Variants in CDH12 observed in about 807,000 individuals in gnomAD.
CDH12 encodes the protein cadherin 12.
CDH12 carries 41 observed loss-of-function variants against 74.1 expected under a neutral mutation model. The ratio of observed to expected loss-of-function variants is 0.55; its 90% confidence interval spans 0.43 to 0.72. CDH12 has a LOEUF of 0.72. CDH12 is among the 30% of genes least tolerant of loss of function. The pLI is 0.00. For synonymous variants in CDH12, 399 were observed against 355.0 expected (o/e 1.12, Z -1.39); for missense variants, 945 against 977.2 (o/e 0.97, Z 0.44).
Position 22,447,260 on chromosome 5 carries a change from ATTC to A in CDH12, c.-427-41912_-427-41910del, listed in dbSNP as rs1744852123. 2.6e-5 allele frequency among the ~76,000 whole-genome samples: 4 copies of A among 152,002 alleles called. No homozygotes were observed. The South Asian group carries it at 8.3e-4, about 32-fold the overall frequency. ...TGCACCAGATATCTTTTATTACATTATTCTTCTTTTTCTTCTTCTTCTTATTTC... is the reference window on the plus strand; with the variant it reads ...TGCACCAGATATCTTTTATTACATTATTCTTTTTCTTCTTCTTCTTATTTC... On this transcript the variant is annotated intron_variant, in intron 2 of 14. Transcript: ENST00000382254.
chr5:22,544,657 A>C (rs1271514269), intron 1 of CDH12, among the ~76,000 whole-genome samples: 2 of 152,084 alleles, frequency 1.3e-5, no homozygotes, highest in Admixed American at 6.6e-5. Flanking sequence ...CTCTACAAAA[A>C]AATACAAAAA....
chr5:22,397,644 C>T (rs934266148), intron 3 of CDH12, among the ~76,000 whole-genome samples: 40 of 151,976 alleles, frequency 2.6e-4, no homozygotes, highest in African/African-American at 9.4e-4. Flanking sequence ...AAATCAGGCA[C>T]TGGTAAAGTA....
At chr5:22,102,695 CATAA>C (rs1200567558) in intron 4 of CDH12, among the ~76,000 whole-genome samples, 1 of 137,302 alleles carries the variant, frequency 7.3e-6, no homozygotes, top group African/African-American at 2.7e-5. Flanking sequence ...TAAATAAATA[CATAA>C]ATAAATAATA....
At chr5:22,077,077 T>TGTGC (rs1554007424) in intron 5 of CDH12, among the ~76,000 whole-genome samples, 259 of 146,278 alleles carry the variant, frequency 1.8e-3, no homozygotes, top group African/African-American at 6.4e-3. Context: ...TGTGTGTGTG[T>TGTGC]GCGCGTGTGT....
At chr5:22,168,374 C>G (rs1481478915) in intron 4 of CDH12, among the ~76,000 whole-genome samples, 1 of 152,074 alleles carries the variant, frequency 6.6e-6, no homozygotes, top group Admixed American at 6.6e-5. Flanking sequence ...GAGCTCAATT[C>G]TCTGCCTAAT....
At chr5:22,114,284 C>A (rs1167597654) in intron 4 of CDH12, among the ~76,000 whole-genome samples, 1 of 152,082 alleles carries the variant, frequency 6.6e-6, no homozygotes. Context: ...TTGAAACCTT[C>A]TTTTATATGC....
chr5:22,798,586 G>A lies in CDH12; in HGVS notation c.-523+54472C>T, dbSNP rs114636607. On this transcript the variant is annotated intron_variant, in intron 1 of 14. Transcript: ENST00000382254. ...TCATATGAGTTTCCAAATCATAATC[G>A]TGATAAAATATCTGATACTAGCCCT... Among the ~76,000 whole-genome samples, 681 of 151,774 alleles carry A rather than the reference G, an allele frequency of 4.5e-3. 5 individuals carry two copies. The highest frequency in any genetic ancestry group is 0.015 in the African/African-American group (641 of 41,416).
intron 1 of CDH12, among the ~76,000 whole-genome samples, chr5:22,540,326 GTTA>G (rs1738047454): frequency 6.6e-6 from 1 of 152,054 alleles, no homozygotes; most frequent in African/African-American, 2.4e-5. Context: ...AATCATAGAA[GTTA>G]TTATTATGTT....
chr5:22,836,248 G>A (rs35380824), intron 1 of CDH12, among the ~76,000 whole-genome samples: 16 of 360 alleles, frequency 0.044, no homozygotes, highest in South Asian at 0.25. Flanking sequence ...TTTTGAGACA[G>A]AGTCTCGCTC....
intron 2 of CDH12, among the ~76,000 whole-genome samples, chr5:22,468,135 A>G (rs186556266): frequency 1.7e-3 from 264 of 152,338 alleles, no homozygotes; most frequent in African/African-American, 5.9e-3. Flanking sequence ...CAGGGAGAAG[A>G]GTCTTTGGTT....
At chr5:22,011,860 A>C (rs979563848) in intron 5 of CDH12, among the ~76,000 whole-genome samples, 4 of 152,156 alleles carry the variant, frequency 2.6e-5, no homozygotes, top group Non-Finnish European at 5.9e-5. Flanking sequence ...TTGACATTTT[A>C]TACATGTTCA....
At chr5:22,461,640 A>G (rs1745529772) in intron 2 of CDH12, among the ~76,000 whole-genome samples, 1 of 152,064 alleles carries the variant, frequency 6.6e-6, no homozygotes, top group Non-Finnish European at 1.5e-5. Flanking sequence ...AATTCAATAT[A>G]TAAATGACAC....
chr5:22,714,259 G>A (rs994389712), intron 1 of CDH12, among the ~76,000 whole-genome samples: 10 of 152,154 alleles, frequency 6.6e-5, no homozygotes, highest in East Asian at 3.9e-4. Context: ...AACCCGTGAC[G>A]TCTGAACTTA....
At chr5:22,009,570 T>G (rs1288164349) in intron 5 of CDH12, among the ~76,000 whole-genome samples, 2 of 152,214 alleles carry the variant, frequency 1.3e-5, no homozygotes, top group Admixed American at 6.5e-5. Flanking sequence ...TGTTACTTGT[T>G]GATTCTATCT....
chr5:22,635,715 A>C (rs188530653), intron 1 of CDH12, among the ~76,000 whole-genome samples: 104 of 152,296 alleles, frequency 6.8e-4, no homozygotes, highest in African/African-American at 2.3e-3. Context: ...GGAGATCGAA[A>C]CCGGCCTGAC....
intron 1 of CDH12, among the ~76,000 whole-genome samples, chr5:22,776,394 G>A (rs1026456483): frequency 1.3e-5 from 2 of 152,176 alleles, no homozygotes; most frequent in African/African-American, 2.4e-5. Flanking sequence ...ATCCCTGTCC[G>A]TCCTTGAGGG....
At chr5:22,333,127 T>G (rs909408846) in intron 3 of CDH12, among the ~76,000 whole-genome samples, 1 of 152,180 alleles carries the variant, frequency 6.6e-6, no homozygotes, top group South Asian at 2.1e-4. Flanking sequence ...CATGGAATAC[T>G]ATGCAGCCAT....
chr5:22,190,938 T>C (rs560021793), intron 4 of CDH12, among the ~76,000 whole-genome samples: 1 of 152,228 alleles, frequency 6.6e-6, no homozygotes, highest in Non-Finnish European at 1.5e-5. Context: ...CCCACCACTA[T>C]GTATTTCGCT....
intron 1 of CDH12, among the ~76,000 whole-genome samples, chr5:22,849,832 A>G (rs1324909899): frequency 6.6e-6 from 1 of 152,092 alleles, no homozygotes; most frequent in Non-Finnish European, 1.5e-5. Flanking sequence ...TGGATTAAAT[A>G]TTCATGGAGC....
Sources: allele counts gnomAD v4.1 joint callset (sites outside exome capture counted in the v4.1 genomes callset), GRCh38; gene constraint gnomAD v4.1.1; transcripts MANE v1.5; gene names NCBI Gene and HGNC (gene_info 2026-07-23, HGNC 2026-07-21).